CYP2C8: variants seen among roughly 807,000 people sequenced by gnomAD.
The protein encoded by CYP2C8 is cytochrome P450 family 2 subfamily C member 8, also known as cytochrome P450 2C8.
A neutral mutation model predicts 41.3 loss-of-function variants in CYP2C8; 51 were observed. The ratio of observed to expected loss-of-function variants is 1.24; its 90% CI spans 0.99 to 1.56. CYP2C8 has a LOEUF of 1.56. Ranked by LOEUF, CYP2C8 falls within the 40% of genes most tolerant of loss-of-function variation. CYP2C8 has a pLI of 0.00. For synonymous variants in CYP2C8, 218 were observed against 205.8 expected, an observed-to-expected ratio of 1.06 and a Z score of -0.51; for missense variants, 651 against 579.9, an observed-to-expected ratio of 1.12 and a Z score of -1.26.
intron 4 of CYP2C8, among the ~76,000 whole-genome samples, chr10:95,064,316 G>A (rs927168387): frequency 6.6e-6 from 1 of 152,112 alleles, no homozygotes; most frequent in Non-Finnish European, 1.5e-5. Flanking sequence ...ACCTACTCAA[G>A]CCTCAGCAAT....
intron 4 of CYP2C8, among the ~76,000 whole-genome samples, chr10:95,063,083 A>G (rs899027236): frequency 6.6e-6 from 1 of 152,000 alleles, no homozygotes; most frequent in Admixed American, 6.6e-5. Flanking sequence ...TTTTTCCTTC[A>G]TTTCAACTTT....
At chr10:95,042,821 G>T in intron 7 of CYP2C8, 69 bp downstream of exon 7, 4 of 1,336,940 alleles carry the variant, frequency 3.0e-6, no homozygotes, top group Admixed American at 1.7e-5. Flanking sequence ...TTGTTAGAGG[G>T]TTGGAACCAA....
intron 2 of CYP2C8, 35 bp downstream of exon 2, chr10:95,067,494 G>C: frequency 6.2e-7 from 1 of 1,613,966 alleles, no homozygotes; most frequent in Non-Finnish European, 8.5e-7. Context: ...CCTCACCCCA[G>C]TTACCAAAGC....
intron 5 of CYP2C8, among the ~76,000 whole-genome samples, chr10:95,056,283 C>A (rs1203848822): frequency 1.3e-5 from 2 of 151,954 alleles, no homozygotes; most frequent in East Asian, 3.9e-4. Flanking sequence ...AAAGAGGAAC[C>A]CTCAAACATT....
intron 8 of CYP2C8, among the ~76,000 whole-genome samples, 170 bp downstream of exon 8, chr10:95,038,727 A>G (rs2032935806): frequency 6.6e-6 from 1 of 152,194 alleles, no homozygotes; most frequent in South Asian, 2.1e-4. Flanking sequence ...ATCTGGCCCA[A>G]TAATGATGGT....
chr10:95,046,098 C>T, intron 5 of CYP2C8, 147 bp from the exon 6 acceptor site: 1 of 801,276 alleles, frequency 1.2e-6, no homozygotes, highest in Non-Finnish European at 2.0e-6. Flanking sequence ...TGTGGTATGG[C>T]AGAAACTGCA....
intron 4 of CYP2C8, among the ~76,000 whole-genome samples, chr10:95,062,577 G>A (rs998968480): frequency 1.3e-5 from 2 of 152,064 alleles, no homozygotes; most frequent in East Asian, 3.8e-4. Flanking sequence ...ACACTGATGG[G>A]TCTTGACTCT....
chr10:95,037,271 C>T lies in CYP2C8; in HGVS notation c.1330G>A (p.Glu444Lys). The change falls in exon 9 of 9, where the codon GAG becomes AAG. Residue 444 changes from glutamate to lysine, a missense_variant. Glu to Lys is a moderately conservative substitution (Grantham distance 56). Coordinates refer to ENST00000371270, the MANE Select transcript of CYP2C8 (RefSeq NM_000770.3). ...ICAGEGLARM[E>K]LFLFLTTILQ... Reference sequence around the variant, plus strand: ...ATTGTGGTTAGAAATAAAAATAGCTCCATGCGGGCAAGTCCTTCTCCTGCA... The same window carrying T: ...ATTGTGGTTAGAAATAAAAATAGCTTCATGCGGGCAAGTCCTTCTCCTGCA... 1 of 1,613,660 alleles carries T rather than the reference C, an allele frequency of 6.2e-7. No individual in the cohort carries two copies. Among genetic ancestry groups the T allele is most frequent in the African/African-American group, 1.3e-5 (1 of 75,034 alleles).
At chr10:95,044,564 T>C (rs2033070697) in intron 6 of CYP2C8, among the ~76,000 whole-genome samples, 1 of 152,306 alleles carries the variant, frequency 6.6e-6, no homozygotes, top group South Asian at 2.1e-4. Flanking sequence ...GGAAGCAAGA[T>C]GAAGAAAAAT....
Position 95,069,359 on chromosome 10 carries a change from A to G in CYP2C8, c.44T>C (p.Leu15Pro). 3 of 1,614,156 alleles carry G rather than the reference A, an allele frequency of 1.9e-6. No individual in the cohort carries two copies. The highest frequency in any genetic ancestry group is 2.5e-6 in the Non-Finnish European group (3 of 1,180,032). The change falls in exon 1 of 9, where the codon CTT becomes CCT. Residue 15 changes from leucine (L) to proline (P), a missense_variant. By Grantham distance (98) the Leu-to-Pro change is moderately conservative. Transcript: ENST00000371270. ...VVLVLCLSFM[L>P]LFSLWRQSCR... Reference sequence around the variant, plus strand: ...GCTCTGTCTCCAGAGTGAAAAGAGAAGCATAAAAGAGAGACACAGCACCAG... The same window carrying G: ...GCTCTGTCTCCAGAGTGAAAAGAGAGGCATAAAAGAGAGACACAGCACCAG...
At chr10:95,054,309 C>T (rs764336469) in intron 5 of CYP2C8, among the ~76,000 whole-genome samples, 5 of 151,970 alleles carry the variant, frequency 3.3e-5, no homozygotes, top group Non-Finnish European at 7.4e-5. Context: ...AAAAATCTAA[C>T]AAGATAGACC....
chr10:95,051,610 C>G (rs890498645), intron 5 of CYP2C8, among the ~76,000 whole-genome samples: 1 of 152,110 alleles, frequency 6.6e-6, no homozygotes, highest in African/African-American at 2.4e-5. Flanking sequence ...AGATTTTCTG[C>G]TAGGGTTTTT....
In CYP2C8 at chr10:95,069,273, G is replaced by T. The variant is rs772202170; in HGVS notation, c.130C>A (p.Gln44Lys). The change falls in exon 1 of 9, where the codon CAG becomes AAG. Residue 44 changes from glutamine to lysine, a missense_variant. By Grantham distance (53) the Gln-to-Lys change is moderately conservative. Coordinates refer to ENST00000371270, the MANE Select transcript of CYP2C8 (RefSeq NM_000770.3). ...TTGCAGATGTCCTTAACATCTATCT[G>T]TAGCATATTTCCAATAATAGGAAGA... ...TPLPIIGNML[Q>K]IDVKDICKSF... 13 of 1,613,924 alleles carry T rather than the reference G, an allele frequency of 8.1e-6. No individual in the cohort carries two copies. The East Asian group carries it at 2.7e-4, about 33-fold the overall frequency.
chr10:95,054,969 GCA>G (rs910608162), intron 5 of CYP2C8, among the ~76,000 whole-genome samples: 1 of 151,988 alleles, frequency 6.6e-6, no homozygotes, highest in African/African-American at 2.4e-5. Context: ...TAACAAATGT[GCA>G]CATTGTGCAC....
At position 95,059,494 on chromosome 10, in the gene CYP2C8, G is replaced by GT. The variant is rs948153262; in HGVS notation, c.643-984dup. The stretch of plus-strand genomic sequence containing the variant: ...GCCCACTTGTTGATGGGGTTGTTTG[G>GT]TTTTTTTCTTGTAAATTTGTTTGAG... On this transcript the variant is annotated intron_variant, in intron 4 of 8. Transcript: ENST00000371270. 3.3e-5 allele frequency among the ~76,000 whole-genome samples: 5 copies of GT among 151,954 alleles called. No individual in the cohort carries two copies. In the South Asian group the frequency reaches 1.0e-3, roughly 32 times the overall value.
intron 4 of CYP2C8, among the ~76,000 whole-genome samples, chr10:95,064,215 C>G (rs2033505730): frequency 6.6e-6 from 1 of 152,204 alleles, no homozygotes; most frequent in Non-Finnish European, 1.5e-5. Context: ...CAGCTATGCC[C>G]TGCCCCGAGA....
At chr10:95,037,662 T>C (rs939499335) in intron 8 of CYP2C8, among the ~76,000 whole-genome samples, 7 of 152,230 alleles carry the variant, frequency 4.6e-5, no homozygotes, top group South Asian at 2.1e-4. Flanking sequence ...TCTGTCATTA[T>C]GGAAATACAT....
At chr10:95,052,486 A>C (rs1258693952) in intron 5 of CYP2C8, among the ~76,000 whole-genome samples, 1 of 143,644 alleles carries the variant, frequency 7.0e-6, no homozygotes, top group Admixed American at 6.8e-5. Flanking sequence ...AACCAAAGAC[A>C]CATTAAAAAA....
intron 5 of CYP2C8, among the ~76,000 whole-genome samples, chr10:95,053,103 A>G (rs1337325673): frequency 6.6e-6 from 1 of 152,218 alleles, no homozygotes; most frequent in Non-Finnish European, 1.5e-5. Context: ...TGCAAGATAC[A>G]AAATAATATA....
Sources: allele counts gnomAD v4.1 joint callset (sites outside exome capture counted in the v4.1 genomes callset), GRCh38; gene constraint gnomAD v4.1.1; transcripts MANE v1.5; gene names NCBI Gene and HGNC (gene_info 2026-07-23, HGNC 2026-07-21).